Variants in CATSPERB observed in about 807,000 individuals in gnomAD.
The protein encoded by CATSPERB is catsper channel auxiliary subunit beta, also known as cation channel sperm-associated auxiliary subunit beta.
In CATSPERB, 93 loss-of-function variants were observed where a neutral mutation model predicts 128.3. The ratio of observed to expected loss-of-function variants is 0.72; its 90% CI spans 0.61 to 0.86. CATSPERB has a LOEUF of 0.86. CATSPERB is among the 40% of genes least tolerant of loss of function. The pLI is 0.00. For synonymous variants in CATSPERB, 381 were observed against 448.8 expected (o/e 0.85, Z 1.91); for missense variants, 1,153 against 1,329.5 (o/e 0.87, Z 2.06).
intron 22 of CATSPERB, among the ~76,000 whole-genome samples, chr14:91,598,266 A>C (rs1421004448): frequency 6.6e-6 from 1 of 151,832 alleles, no homozygotes; most frequent in African/African-American, 2.4e-5. Flanking sequence ...TAACCTTTAA[A>C]TAAGCTTTGA....
chr14:91,634,332 T>C (rs1894330412), intron 17 of CATSPERB, among the ~76,000 whole-genome samples: 1 of 152,130 alleles, frequency 6.6e-6, no homozygotes, highest in African/African-American at 2.4e-5. Context: ...GACTCAGGGG[T>C]GGCAGAGGCA....
intron 22 of CATSPERB, among the ~76,000 whole-genome samples, chr14:91,596,122 T>C (rs1280907773): frequency 6.6e-6 from 1 of 152,194 alleles, no homozygotes; most frequent in Non-Finnish European, 1.5e-5. Context: ...AAAGTTCCTT[T>C]ATTCCAATGT....
intron 15 of CATSPERB, among the ~76,000 whole-genome samples, chr14:91,650,301 T>C (rs753394948): frequency 1.9e-4 from 29 of 152,196 alleles, no homozygotes; most frequent in Non-Finnish European, 3.8e-4. Context: ...CAAACAAAGT[T>C]ATTGTGTGTG....
intron 22 of CATSPERB, chr14:91,603,263 C>A (rs1252045814): frequency 1.8e-6 from 2 of 1,114,724 alleles, no homozygotes; most frequent in Non-Finnish European, 2.8e-6. Context: ...TCAAAGCCAG[C>A]ATATATTATT....
intron 2 of CATSPERB, among the ~76,000 whole-genome samples, chr14:91,725,711 G>A (rs558947865): frequency 1.1e-4 from 16 of 152,228 alleles, no homozygotes; most frequent in Admixed American, 9.2e-4. Context: ...AACAGGATAC[G>A]GTTTGTTGAG....
At chr14:91,724,331 T>C (rs1018003206) in intron 3 of CATSPERB, among the ~76,000 whole-genome samples, 1 of 152,110 alleles carries the variant, frequency 6.6e-6, no homozygotes, top group East Asian at 1.9e-4. Flanking sequence ...CCCATACTTT[T>C]TCCATAACAT....
At chr14:91,725,045 GA>G (rs1309549704) in intron 3 of CATSPERB, 34 bp downstream of exon 3, 1 of 1,070,986 alleles carries the variant, frequency 9.3e-7, no homozygotes, top group Non-Finnish European at 1.3e-6. Context: ...AAAGGAACGT[GA>G]AGGGTTATAA....
At chr14:91,621,496 C>A in intron 19 of CATSPERB, 112 bp downstream of exon 19, 1 of 830,152 alleles carries the variant, frequency 1.2e-6, no homozygotes. Context: ...TAGTAGAATG[C>A]CAACAAGTAT....
chr14:91,703,679 AG>A (rs1238642532), intron 7 of CATSPERB, among the ~76,000 whole-genome samples: 2 of 152,180 alleles, frequency 1.3e-5, no homozygotes, highest in Non-Finnish European at 2.9e-5. Context: ...TCTACATACC[AG>A]GGGTGTGGCG....
At position 91,581,015 on chromosome 14, in the gene CATSPERB, T is replaced by C. The variant is rs1595132898; in HGVS notation, c.3225A>G (p.Ala1075=). Residue 1075 remains alanine (A), a synonymous_variant, in exon 27 of 27, where the codon GCA becomes GCG. Coordinates refer to ENST00000256343, the MANE Select transcript of CATSPERB (RefSeq NM_024764.4). ...AVVLGGLIFI[A]FMFQLQGIHP... is the part of the protein sequence containing the mutation. The stretch of plus-strand genomic sequence containing the variant: ...GGATGCCTTGCAGTTGAAACATAAA[T>C]GCTATAAAAATTAATCCCCCTAGCA... 2 of 1,614,218 alleles carry C rather than the reference T, an allele frequency of 1.2e-6. No individual in the cohort carries two copies. Among genetic ancestry groups the C allele is most frequent in the Non-Finnish European group, 1.7e-6 (2 of 1,180,034 alleles).
At chr14:91,698,719 A>G (rs1895600920) in intron 7 of CATSPERB, among the ~76,000 whole-genome samples, 1 of 152,218 alleles carries the variant, frequency 6.6e-6, no homozygotes, top group South Asian at 2.1e-4. Context: ...AAAAATATCA[A>G]TAGCTTTTGG....
chr14:91,590,776 C>G (rs1435562949), intron 23 of CATSPERB, among the ~76,000 whole-genome samples: 1 of 151,708 alleles, frequency 6.6e-6, no homozygotes, highest in Non-Finnish European at 1.5e-5. Flanking sequence ...TTAGCCTCCC[C>G]AGTAGCTGGG....
chr14:91,646,724 T>C (rs996617581), intron 15 of CATSPERB, among the ~76,000 whole-genome samples: 2 of 152,220 alleles, frequency 1.3e-5, no homozygotes, highest in African/African-American at 4.8e-5. Context: ...TCTCACACTT[T>C]TAATATATTG....
At chr14:91,731,120 C>A (rs770740260) in intron 1 of CATSPERB, among the ~76,000 whole-genome samples, 4 of 152,184 alleles carry the variant, frequency 2.6e-5, no homozygotes, top group Non-Finnish European at 5.9e-5. Flanking sequence ...AATGATACAA[C>A]ACCATTATTA....
chr14:91,583,837 G>A (rs1036267644), intron 26 of CATSPERB, among the ~76,000 whole-genome samples: 8 of 151,764 alleles, frequency 5.3e-5, no homozygotes, highest in African/African-American at 1.9e-4. Context: ...GAAAATCCAA[G>A]CTTATGGGTT....
intron 26 of CATSPERB, among the ~76,000 whole-genome samples, chr14:91,585,145 T>C (rs954106229): frequency 1.3e-5 from 2 of 151,968 alleles, no homozygotes; most frequent in African/African-American, 2.4e-5. Flanking sequence ...GCCTCCAGAG[T>C]AGCTGGAACT....
intron 17 of CATSPERB, among the ~76,000 whole-genome samples, chr14:91,633,714 C>T (rs1039854868): frequency 1.2e-4 from 18 of 151,782 alleles, no homozygotes; most frequent in African/African-American, 4.3e-4. Context: ...TCAATAGATA[C>T]ACGAGAAATA....
chr14:91,678,127 T>C (rs1482945315), intron 11 of CATSPERB, among the ~76,000 whole-genome samples: 1 of 151,998 alleles, frequency 6.6e-6, no homozygotes, highest in Non-Finnish European at 1.5e-5. Context: ...AGCTAATGCA[T>C]GTGGGGCTTA....
At chr14:91,583,227 G>A (rs1893238492) in intron 26 of CATSPERB, among the ~76,000 whole-genome samples, 2 of 152,188 alleles carry the variant, frequency 1.3e-5, no homozygotes, top group African/African-American at 2.4e-5. Context: ...GACCATCCTG[G>A]CTAACATGGT....
Sources: allele counts gnomAD v4.1 joint callset (sites outside exome capture counted in the v4.1 genomes callset), GRCh38; gene constraint gnomAD v4.1.1; transcripts MANE v1.5; gene names NCBI Gene and HGNC (gene_info 2026-07-23, HGNC 2026-07-21).